The following SPADH variants were observed in gnomAD, a reference collection of about 807,000 sequenced individuals.
The protein encoded by SPADH is spermadhesin family member.
the SPADH span, among the ~76,000 whole-genome samples, chr10:122,677,728 G>A: frequency 6.6e-6 from 1 of 152,160 alleles, no homozygotes; most frequent in African/African-American, 2.4e-5. Flanking sequence ...ACAGCCTATG[G>A]GCTCAGAATC....
At chr10:122,673,734 A>C in the SPADH span, among the ~76,000 whole-genome samples, 4 of 148,644 alleles carry the variant, frequency 2.7e-5, no homozygotes, top group African/African-American at 1.0e-4. Flanking sequence ...CTTGTTTCCT[A>C]CTCTCGTCAC....
chr10:122,672,949 T>C, the SPADH span: 2 of 984,496 alleles, frequency 2.0e-6, no homozygotes, highest in Admixed American at 6.1e-5. Context: ...CCCCAGGCCC[T>C]TTCTTCTGGG....
the SPADH span, chr10:122,678,835 C>G: frequency 1.0e-6 from 1 of 972,008 alleles, no homozygotes. Flanking sequence ...GTTGCCTTTT[C>G]TTCTGACCCA....
chr10:122,673,712 C>T, the SPADH span, among the ~76,000 whole-genome samples: 3 of 152,130 alleles, frequency 2.0e-5, no homozygotes, highest in Non-Finnish European at 2.9e-5. Flanking sequence ...CTCCCCTTTC[C>T]TTCCTGAGCT....
the SPADH span, chr10:122,676,767 T>C: frequency 1.0e-6 from 1 of 985,376 alleles, no homozygotes; most frequent in Non-Finnish European, 1.2e-6. Flanking sequence ...ACCCAGTGAC[T>C]GTGGGGGCCA....
chr10:122,677,800 C>A, the SPADH span, among the ~76,000 whole-genome samples: 4 of 152,208 alleles, frequency 2.6e-5, no homozygotes, highest in Middle Eastern at 3.4e-3. Flanking sequence ...GCCTCAAATA[C>A]GGGGCTTAAA....
chr10:122,673,415 G>A, the SPADH span, among the ~76,000 whole-genome samples: 3 of 152,250 alleles, frequency 2.0e-5, no homozygotes, highest in Non-Finnish European at 2.9e-5. Context: ...TCTGCCCAGC[G>A]GGTTGTCACA....
chr10:122,678,154 C>T, the SPADH span, among the ~76,000 whole-genome samples: 2 of 152,260 alleles, frequency 1.3e-5, no homozygotes, highest in South Asian at 4.2e-4. Context: ...GCTCCAGCCC[C>T]TCCTTGTGAA....
At chr10:122,673,873 A>G in the SPADH span, among the ~76,000 whole-genome samples, 4 of 152,118 alleles carry the variant, frequency 2.6e-5, no homozygotes, top group African/African-American at 9.7e-5. Flanking sequence ...CTCCCCTGCC[A>G]GGATTTCAGC....
the SPADH span, chr10:122,676,753 T>C: frequency 1.0e-6 from 1 of 985,364 alleles, no homozygotes; most frequent in Non-Finnish European, 1.2e-6. Context: ...TCTCCTCTTG[T>C]AGCACCCAGT....
At chr10:122,678,969 T>A in the SPADH span, 2 of 984,972 alleles carry the variant, frequency 2.0e-6, no homozygotes, top group Non-Finnish European at 2.4e-6. Flanking sequence ...ATCATCACCA[T>A]CAAGTACTCC....
the SPADH span, among the ~76,000 whole-genome samples, chr10:122,674,499 G>A: frequency 1.3e-5 from 2 of 152,154 alleles, no homozygotes; most frequent in Admixed American, 6.5e-5. Context: ...GCTTTCTGGG[G>A]AATCGTGATT....
the SPADH span, chr10:122,679,035 G>A: frequency 1.0e-6 from 1 of 984,688 alleles, no homozygotes; most frequent in African/African-American, 1.7e-5. Flanking sequence ...GTTGACGCTT[G>A]GTCAACACAT....
chr10:122,678,074 C>T, the SPADH span, among the ~76,000 whole-genome samples: 2 of 152,148 alleles, frequency 1.3e-5, no homozygotes, highest in Admixed American at 6.5e-5. Context: ...AAGAGCAAAA[C>T]TAGTATAAAG....
At chr10:122,673,861 T>A in the SPADH span, among the ~76,000 whole-genome samples, 1 of 152,150 alleles carries the variant, frequency 6.6e-6, no homozygotes, top group South Asian at 2.1e-4. Context: ...CCGGGTGCTC[T>A]CCTCCCCTGC....
chr10:122,676,411 G>T, the SPADH span, among the ~76,000 whole-genome samples: 1 of 152,204 alleles, frequency 6.6e-6, no homozygotes, highest in African/African-American at 2.4e-5. Flanking sequence ...CCTAAGAAAA[G>T]ATCTGTAGGG....
At chr10:122,674,239 G>A in the SPADH span, among the ~76,000 whole-genome samples, 4 of 152,206 alleles carry the variant, frequency 2.6e-5, no homozygotes, top group Non-Finnish European at 5.9e-5. Context: ...GCTGTTGTGA[G>A]GAGTTAGTGA....
the SPADH span, among the ~76,000 whole-genome samples, chr10:122,678,123 G>T: frequency 1.4e-4 from 21 of 152,228 alleles, 1 homozygote; most frequent in Middle Eastern, 0.01. Context: ...TCCCCTTGTT[G>T]TCTTATTATA....
At chr10:122,675,606 T>A in the SPADH span, 2 of 968,330 alleles carry the variant, frequency 2.1e-6, no homozygotes, top group Non-Finnish European at 2.5e-6. Flanking sequence ...AAGTTCAGAT[T>A]TTCATGGTTT....
Sources: allele counts gnomAD v4.1 joint callset (sites outside exome capture counted in the v4.1 genomes callset), GRCh38; gene constraint gnomAD v4.1.1; transcripts MANE v1.5; gene names NCBI Gene and HGNC (gene_info 2026-07-23, HGNC 2026-07-21).